LRRC4C: variants seen among roughly 807,000 people sequenced by gnomAD.
The protein encoded by LRRC4C is leucine-rich repeat-containing protein 4C.
In LRRC4C, 5 loss-of-function variants were observed where a neutral mutation model predicts 33.6. The ratio of observed to expected loss-of-function variants is 0.15; its 90% confidence interval spans 0.08 to 0.31. The LOEUF is 0.31. Among genes scored for constraint, LRRC4C ranks in the 10% least tolerant of loss-of-function variants. LRRC4C has a pLI of 1.00. For synonymous variants in LRRC4C, 329 were observed against 302.0 expected, an observed-to-expected ratio of 1.09 and a Z score of -0.93; for missense variants, 560 against 796.7, an observed-to-expected ratio of 0.70 and a Z score of 3.58.
chr11:40,509,057 C>T (rs1565458559), intron 3 of LRRC4C, among the ~76,000 whole-genome samples: 1 of 152,070 alleles, frequency 6.6e-6, no homozygotes. Flanking sequence ...TCCATTGAAC[C>T]AGCATTTCCC....
At chr11:41,265,328 A>T (rs1273923001) in intron 1 of LRRC4C, among the ~76,000 whole-genome samples, 1 of 152,124 alleles carries the variant, frequency 6.6e-6, no homozygotes, top group African/African-American at 2.4e-5. Context: ...AACCAAGAGG[A>T]CGATACTTAA....
chr11:40,152,045 C>T (rs369006543), intron 5 of LRRC4C, among the ~76,000 whole-genome samples: 4 of 152,102 alleles, frequency 2.6e-5, no homozygotes, highest in Admixed American at 6.5e-5. Context: ...AAGAACAAAC[C>T]GGCAATCCCA....
intron 2 of LRRC4C, among the ~76,000 whole-genome samples, chr11:40,861,444 A>G (rs1387789540): frequency 1.3e-5 from 2 of 152,200 alleles, no homozygotes; most frequent in Admixed American, 6.5e-5. Context: ...TGAAACTCCA[A>G]TGTTCAGTTT....
intron 3 of LRRC4C, among the ~76,000 whole-genome samples, chr11:40,529,339 A>C (rs927093917): frequency 6.6e-6 from 1 of 152,052 alleles, no homozygotes; most frequent in African/African-American, 2.4e-5. Flanking sequence ...ATGTTAAATA[A>C]ATCTTTTTTT....
At chr11:41,394,104 C>A (rs1294557375) in intron 1 of LRRC4C, among the ~76,000 whole-genome samples, 4 of 151,966 alleles carry the variant, frequency 2.6e-5, no homozygotes, top group Non-Finnish European at 5.9e-5. Flanking sequence ...CTCTATCCTT[C>A]ACTTTTTATG....
chr11:40,775,554 T>A (rs1949957787), intron 2 of LRRC4C, among the ~76,000 whole-genome samples: 1 of 152,236 alleles, frequency 6.6e-6, no homozygotes, highest in Non-Finnish European at 1.5e-5. Flanking sequence ...GTAAATGGGG[T>A]TGCCTTCTTT....
chr11:40,462,190 A>G (rs1407311094), intron 3 of LRRC4C, among the ~76,000 whole-genome samples: 2 of 152,096 alleles, frequency 1.3e-5, no homozygotes, highest in African/African-American at 2.4e-5. Flanking sequence ...GATGTTATAA[A>G]TAGAGGATAA....
chr11:40,600,072 A>G (rs1959822731), intron 3 of LRRC4C, among the ~76,000 whole-genome samples: 1 of 152,206 alleles, frequency 6.6e-6, no homozygotes, highest in Non-Finnish European at 1.5e-5. Context: ...ATTGATTTGC[A>G]TGAGCTCTAA....
chr11:41,385,616 C>T (rs559485688), intron 1 of LRRC4C, among the ~76,000 whole-genome samples: 1 of 151,500 alleles, frequency 6.6e-6, no homozygotes, highest in African/African-American at 2.4e-5. Flanking sequence ...CAGCTAAATG[C>T]TACTTGGAGG....
At chr11:40,822,482 G>C (rs1216117886) in intron 2 of LRRC4C, among the ~76,000 whole-genome samples, 1 of 151,636 alleles carries the variant, frequency 6.6e-6, no homozygotes, top group Non-Finnish European at 1.5e-5. Context: ...CAGCAGGACA[G>C]ATACCTCTTC....
In LRRC4C at chr11:40,568,596, G is replaced by A. The variant is rs1269135207; in HGVS notation, c.-270+79546C>T. ...ATTTGCCTGATACTATTGGGGCCATGCATCAGATTTAGGGGACTTGATTGA... is the reference window on the plus strand; with the variant it reads ...ATTTGCCTGATACTATTGGGGCCATACATCAGATTTAGGGGACTTGATTGA... On this transcript the variant is annotated intron_variant, in intron 3 of 6. Coordinates refer to ENST00000528697, the MANE Select transcript of LRRC4C (RefSeq NM_001258419.2). Among the ~76,000 whole-genome samples the A allele has an allele frequency of 2.0e-5, 3 of 152,110 alleles. No individual in the cohort carries two copies. The East Asian group carries it at 5.8e-4, about 29-fold the overall frequency.
chr11:40,455,731 ATGTCCCT>A (rs1255501158), intron 3 of LRRC4C, among the ~76,000 whole-genome samples: 4 of 152,144 alleles, frequency 2.6e-5, no homozygotes, highest in Non-Finnish European at 5.9e-5. Context: ...TCTGCTTTAA[ATGTCCCT>A]TTGCAACTCT....
chr11:40,784,740 T>C (rs1156911991), intron 2 of LRRC4C, among the ~76,000 whole-genome samples: 6 of 152,166 alleles, frequency 3.9e-5, no homozygotes, highest in African/African-American at 1.2e-4. Flanking sequence ...TAACAGCAAA[T>C]AATCCTTAGG....
intron 4 of LRRC4C, among the ~76,000 whole-genome samples, chr11:40,300,659 T>C (rs934740765): frequency 1.3e-5 from 2 of 152,228 alleles, no homozygotes; most frequent in African/African-American, 4.8e-5. Context: ...AATCTGTGGA[T>C]AGCCTCACAT....
intron 3 of LRRC4C, among the ~76,000 whole-genome samples, chr11:40,633,371 T>TTCTTTCTTTCTTTCTTTCTCTCTCTC (rs745929705): frequency 1.2e-4 from 12 of 96,306 alleles, no homozygotes; most frequent in South Asian, 4.0e-4. Flanking sequence ...CTTTCTTTCT[T>TTCTTTCTTTCTTTCTTTCTCTCTCTC]TCTCTCTCTT....
At chr11:40,830,025 G>T (rs1223363424) in intron 2 of LRRC4C, among the ~76,000 whole-genome samples, 2 of 152,016 alleles carry the variant, frequency 1.3e-5, no homozygotes, top group East Asian at 3.9e-4. Context: ...GCAGGGTCTT[G>T]AGGGATGAAT....
chr11:40,646,780 G>A lies in LRRC4C; in HGVS notation c.-270+1362C>T, dbSNP rs188942752. Reference sequence around the variant, plus strand: ...CACCACCGCGCCCAGCTAATTTTTCGTATTTTCAGTAGAGATGAGGTTTCA... The same window carrying A: ...CACCACCGCGCCCAGCTAATTTTTCATATTTTCAGTAGAGATGAGGTTTCA... On this transcript the variant is annotated intron_variant, in intron 3 of 6. Coordinates refer to ENST00000528697, the MANE Select transcript of LRRC4C (RefSeq NM_001258419.2). Among the ~76,000 whole-genome samples, 34 of 152,150 alleles carry A rather than the reference G, an allele frequency of 2.2e-4. 1 individual carries two copies. The East Asian group carries it at 5.1e-3, about 23-fold the overall frequency.
intron 4 of LRRC4C, among the ~76,000 whole-genome samples, chr11:40,260,338 G>C (rs1446198146): frequency 6.8e-6 from 1 of 146,566 alleles, no homozygotes; most frequent in Non-Finnish European, 1.5e-5. Flanking sequence ...CTCACTCATA[G>C]GTGGGAATTG....
At chr11:40,455,289 T>A (rs757078577) in intron 3 of LRRC4C, among the ~76,000 whole-genome samples, 6 of 152,182 alleles carry the variant, frequency 3.9e-5, no homozygotes, top group Non-Finnish European at 7.4e-5. Flanking sequence ...TAGTTCCAGA[T>A]GGAAGCAGGC....
Sources: allele counts gnomAD v4.1 joint callset (sites outside exome capture counted in the v4.1 genomes callset), GRCh38; gene constraint gnomAD v4.1.1; transcripts MANE v1.5; gene names NCBI Gene and HGNC (gene_info 2026-07-23, HGNC 2026-07-21).